Variants in ROBO2 observed in about 807,000 individuals in gnomAD.
ROBO2 encodes the protein roundabout guidance receptor 2.
In ROBO2, 53 loss-of-function variants were observed where a neutral mutation model predicts 160.8. The ratio of observed to expected loss-of-function variants is 0.33; its 90% CI spans 0.26 to 0.41. The LOEUF (loss-of-function observed/expected upper bound fraction) is 0.41. ROBO2 is among the 10% of genes least tolerant of loss of function. The pLI is 1.00. For synonymous variants in ROBO2, 664 were observed against 611.7 expected, an observed-to-expected ratio of 1.09 and a Z score of -1.26; for missense variants, 1,577 against 1,722.4, an observed-to-expected ratio of 0.92 and a Z score of 1.49.
intron 20 of ROBO2, 30 bp from the exon 22 acceptor site, chr3:77,607,768 A>G (rs1040941134): frequency 1.9e-5 from 30 of 1,605,000 alleles, no homozygotes; most frequent in Non-Finnish European, 2.3e-5. Context: ...GCTATTTGGC[A>G]TCTCTGAATA....
At chr3:76,680,952 C>A (rs1280752275) in intron 2 of ROBO2, among the ~76,000 whole-genome samples, 1 of 151,738 alleles carries the variant, frequency 6.6e-6, no homozygotes, top group Non-Finnish European at 1.5e-5. Context: ...AAGTTTTGTA[C>A]TTTTAGTAGA....
exon 2 of ROBO2, chr3:77,098,025 C>T (rs1356551506): frequency 1.3e-6 from 2 of 1,568,886 alleles, no homozygotes; most frequent in Non-Finnish European, 1.7e-6. Context: ...ATCGCGTCTT[C>T]GCCAGGAGGA....
intron 2 of ROBO2, among the ~76,000 whole-genome samples, chr3:76,510,561 C>G (rs1032282513): frequency 1.6e-4 from 25 of 151,844 alleles, no homozygotes; most frequent in Non-Finnish European, 3.1e-4. Context: ...CCATCTCTAC[C>G]AAAAATGCAC....
rs1231813424 is a variant in ROBO2, at chr3:77,419,485, AAAG to A, written c.389-57925_389-57923del. Among the ~76,000 whole-genome samples, 3 of 152,276 alleles carry A rather than the reference AAAG, an allele frequency of 2.0e-5. No individual in the cohort carries two copies. The South Asian group carries it at 6.2e-4, about 32-fold the overall frequency. On this transcript the variant is annotated intron_variant, in intron 2 of 25. Coordinates refer to ENST00000461745, the Ensembl canonical transcript of ROBO2. Reference sequence around the variant, plus strand: ...ACATATATTACTATGAAAACTGAAAAAAGAAGGAGAGGTGGCACATGAGCATAA... The same window carrying A: ...ACATATATTACTATGAAAACTGAAAAAAGGAGAGGTGGCACATGAGCATAA...
At chr3:76,161,551 T>G (rs1286162826) in intron 2 of ROBO2, among the ~76,000 whole-genome samples, 2 of 152,072 alleles carry the variant, frequency 1.3e-5, no homozygotes, top group Admixed American at 6.6e-5. Context: ...CTGCTAAGAG[T>G]GCTCTCAGGG....
At chr3:76,395,275 CA>C (rs2077371477) in intron 2 of ROBO2, among the ~76,000 whole-genome samples, 1 of 149,498 alleles carries the variant, frequency 6.7e-6, no homozygotes, top group South Asian at 2.1e-4. Context: ...TCTTTGAAAC[CA>C]ATGAGAACAA....
intron 2 of ROBO2, among the ~76,000 whole-genome samples, chr3:76,321,942 G>A (rs2072563200): frequency 6.6e-6 from 1 of 151,646 alleles, no homozygotes; most frequent in African/African-American, 2.4e-5. Context: ...AAAAACAAAA[G>A]CAATCACACA....
chr3:76,582,958 G>A (rs1176193587), intron 2 of ROBO2, among the ~76,000 whole-genome samples: 1 of 151,084 alleles, frequency 6.6e-6, no homozygotes, highest in Non-Finnish European at 1.5e-5. Flanking sequence ...CTCCTAAAAT[G>A]TCAAGAAGAG....
intron 2 of ROBO2, among the ~76,000 whole-genome samples, chr3:76,612,528 C>T (rs1316802462): frequency 6.6e-6 from 1 of 152,046 alleles, no homozygotes; most frequent in African/African-American, 2.4e-5. Flanking sequence ...GGGAGGGGAA[C>T]ATCACGTACC....
chr3:77,482,687 A>G (rs1428914999), intron 4 of ROBO2, among the ~76,000 whole-genome samples: 1 of 152,316 alleles, frequency 6.6e-6, no homozygotes, highest in African/African-American at 2.4e-5. Flanking sequence ...GCAGTCCTCT[A>G]TAAGAGTCTC....
chr3:76,596,871 T>C (rs984718987), intron 2 of ROBO2, among the ~76,000 whole-genome samples: 41 of 152,150 alleles, frequency 2.7e-4, no homozygotes, highest in Middle Eastern at 6.3e-3. Flanking sequence ...AATGGCTTGA[T>C]AGACATGTCA....
intron 19 of ROBO2, among the ~76,000 whole-genome samples, chr3:77,599,021 G>T (rs974140160): frequency 3.3e-5 from 5 of 151,938 alleles, no homozygotes; most frequent in Non-Finnish European, 7.4e-5. Flanking sequence ...TTAACAAAAG[G>T]GTACACCTGG....
At chr3:76,032,928 C>G (rs57170203) in intron 2 of ROBO2, among the ~76,000 whole-genome samples, 1,905 of 152,228 alleles carry the variant, frequency 0.013, 30 homozygotes, top group African/African-American at 0.043. Flanking sequence ...TATGATACTG[C>G]TTGTTTAGAC....
chr3:76,240,210 C>T lies in ROBO2; in HGVS notation c.109+302608C>T, dbSNP rs141723319. 3.5e-3 allele frequency among the ~76,000 whole-genome samples: 538 copies of T among 152,140 alleles called. 7 individuals are homozygous for T. The highest frequency in any genetic ancestry group is 0.025 in the Admixed American group (377 of 15,270). On this transcript the variant is annotated intron_variant, in intron 2 of 26. Transcript: ENST00000487694. ...GGTTTGTTACATAGGTATACACTTC[C>T]CATAGTGGTTTGCTGCACCCACCAA... is the stretch of plus-strand genomic sequence containing the variant.
At chr3:76,267,997 C>T (rs1470791782) in intron 2 of ROBO2, among the ~76,000 whole-genome samples, 1 of 152,158 alleles carries the variant, frequency 6.6e-6, no homozygotes. Context: ...ACTCGAAATG[C>T]ATGACCAGAG....
intron 2 of ROBO2, among the ~76,000 whole-genome samples, chr3:77,453,855 A>G (rs949252434): frequency 3.9e-5 from 6 of 152,158 alleles, no homozygotes; most frequent in Non-Finnish European, 8.8e-5. Context: ...TCAAAACCAA[A>G]TAACATATTG....
chr3:77,395,372 C>T (rs1409187849), intron 2 of ROBO2, among the ~76,000 whole-genome samples: 2 of 152,076 alleles, frequency 1.3e-5, no homozygotes, highest in East Asian at 3.9e-4. Context: ...ACAGATGTTA[C>T]TTTATTAAAA....
At chr3:75,976,206 G>T (rs1245733738) in intron 2 of ROBO2, among the ~76,000 whole-genome samples, 1 of 151,528 alleles carries the variant, frequency 6.6e-6, no homozygotes, top group Non-Finnish European at 1.5e-5. Context: ...CTATGACCCA[G>T]AAACTCAATA....
intron 2 of ROBO2, among the ~76,000 whole-genome samples, chr3:76,338,101 C>T (rs1365784687): frequency 6.6e-6 from 1 of 152,092 alleles, no homozygotes; most frequent in Non-Finnish European, 1.5e-5. Flanking sequence ...CTAATAGCTT[C>T]TAGTACATGT....
Sources: allele counts gnomAD v4.1 joint callset (sites outside exome capture counted in the v4.1 genomes callset), GRCh38; gene constraint gnomAD v4.1.1; transcripts MANE v1.5; gene names NCBI Gene and HGNC (gene_info 2026-07-23, HGNC 2026-07-21).